The following PRSS36 variants were observed in gnomAD, a reference collection of about 807,000 sequenced individuals.
The protein encoded by PRSS36 is serine protease 36.
PRSS36 carries 90 observed loss-of-function variants against 94.3 expected under a neutral mutation model. The ratio of observed to expected loss-of-function variants is 0.95; its 90% CI spans 0.80 to 1.14. PRSS36 has a LOEUF of 1.14. Among genes scored for constraint, PRSS36 ranks in the 50% most tolerant of loss-of-function variants. PRSS36 has a pLI of 0.00. For synonymous variants in PRSS36, 500 were observed against 489.6 expected (o/e 1.02, Z -0.28); for missense variants, 1,158 against 1,135.0 (o/e 1.02, Z -0.29).
At chr16:31,140,450 G>A in intron 13 of PRSS36, 35 bp from the exon 14 acceptor site, 2 of 1,606,914 alleles carry the variant, frequency 1.2e-6, no homozygotes, top group African/African-American at 1.3e-5. Flanking sequence ...CCAGGGCTCT[G>A]GCCTCCAGCT....
intron 5 of PRSS36, among the ~76,000 whole-genome samples, chr16:31,147,227 A>T (rs977189777): frequency 1.3e-5 from 2 of 151,790 alleles, no homozygotes; most frequent in African/African-American, 4.8e-5. Context: ...ATCTAACATG[A>T]CTTATCTGGG....
chr16:31,141,347 C>T, intron 12 of PRSS36, 122 bp downstream of exon 12: 2 of 1,323,178 alleles, frequency 1.5e-6, no homozygotes, highest in Non-Finnish European at 2.1e-6. Flanking sequence ...GCCTGGGCAA[C>T]ACAGCAAGAT....
Position 31,143,624 on chromosome 16 carries a change from C to G in PRSS36, c.934G>C (p.Glu312Gln). 3.7e-6 allele frequency: 6 copies of G among 1,614,212 alleles called. No homozygotes were observed. ...ATGGTGCAGTTCTCCTCCCTGGGCT[C>G]CTGGGGATCTGACTGGGTCTTCTGG... Reference protein sequence around the residue: ...QPQKTQSDPQEPREENCTIAL... With the variant: ...QPQKTQSDPQQPREENCTIAL... The change falls in exon 7 of 15, where the codon GAG becomes CAG. Residue 312 changes from glutamate (E) to glutamine (Q), a missense_variant. By Grantham distance (29) the Glu-to-Gln change is conservative. Coordinates refer to ENST00000268281, the MANE Select transcript of PRSS36 (RefSeq NM_173502.5).
intron 5 of PRSS36, among the ~76,000 whole-genome samples, chr16:31,146,297 C>T (rs948190937): frequency 4.6e-5 from 7 of 152,314 alleles, no homozygotes; most frequent in East Asian, 1.9e-4. Flanking sequence ...AGATGCCATA[C>T]GGACTTGACA....
rs1251571254 is a variant in PRSS36, at chr16:31,150,055, G to A, written c.-20C>T. 2 of 1,612,952 alleles carry A rather than the reference G, an allele frequency of 1.2e-6. No individual in the cohort carries two copies. The highest frequency in any genetic ancestry group is 1.7e-6 in the Non-Finnish European group (2 of 1,179,682). On this transcript the variant is annotated 5_prime_UTR_variant, in exon 1 of 15. Transcript: ENST00000268281. ...GGCCATGGCGCTAGAGTCAGCGGAG[G>A]CAGAGCCAAGTGAAGGTCTGCTCCC...
chr16:31,149,559 C>T, intron 2 of PRSS36, 61 bp from the exon 3 acceptor site: 2 of 1,608,818 alleles, frequency 1.2e-6, no homozygotes, highest in South Asian at 1.1e-5. Flanking sequence ...CACCGCCCAG[C>T]CCCACTTCCT....
At position 31,140,620 on chromosome 16, in the gene PRSS36, AG is replaced by A. The variant is rs771809480; in HGVS notation, c.2038del (p.Leu680TrpfsTer6). 6 of 1,611,516 alleles carry A rather than the reference AG, an allele frequency of 3.7e-6. No individual in the cohort carries two copies. Among genetic ancestry groups the A allele is most frequent in the African/African-American group, 1.3e-5 (1 of 74,860 alleles). ...LPQHLGLRPP[L>X]ALLELSSRVE... ...CCGGGAGCTCAGCTCCAGGAGGGCC[AG>A]GGGGGGCCTGAGTCCCAGGTGCTGG... On this transcript the variant is annotated frameshift_variant, in exon 13 of 15. Transcript: ENST00000268281. LOFTEE classifies it high-confidence loss of function.
chr16:31,139,397 A>T lies in PRSS36; in HGVS notation c.2309T>A (p.Leu770His). 1.2e-6 allele frequency: 2 copies of T among 1,613,856 alleles called. No individual in the cohort carries two copies. Residue 770 changes from leucine to histidine, a missense_variant, in exon 15 of 15, where the codon CTC becomes CAC. Transcript: ENST00000268281. ...NRCEMTSAPP[L>H]LCQMTEGSWI... The stretch of plus-strand genomic sequence containing the variant: ...GGACCCTTCCGTCATCTGGCACAGG[A>T]GGGGCGGTGCTGAGGTCATCTGCAG...
chr16:31,140,756 G>T lies in PRSS36; in HGVS notation c.1903C>A (p.Pro635Thr), dbSNP rs1368483158. The change falls in exon 13 of 15, where the codon CCA (proline) becomes ACA (threonine). Residue 635 changes from proline (P) to threonine (T), a missense_variant and splice_region_variant. Pro to Thr is a conservative substitution (Grantham distance 38). Transcript: ENST00000268281. The part of the protein sequence containing the change: ...VLAATHCVLR[P>T]GSTTVPYIEV... ...ATGTAAGGCACTGTTGTAGAGCCTG[G>T]CCTGTTGGAACAAGGTCCAATGTCA... 1 of 1,613,748 alleles carries T rather than the reference G, an allele frequency of 6.2e-7. No homozygotes were observed. Among genetic ancestry groups the T allele is most frequent in the South Asian group, 1.1e-5 (1 of 91,064 alleles).
In PRSS36 at chr16:31,149,057, C is replaced by A; in HGVS notation, c.272+16G>T. The A allele has an allele frequency of 6.3e-7, 1 of 1,576,242 alleles. No homozygotes were observed. The highest frequency in any genetic ancestry group is 2.3e-5 in the East Asian group (1 of 43,884). The stretch of plus-strand genomic sequence containing the variant: ...GCTTTTGGCGGAGAGGGGCCAGGAC[C>A]AGGGCGAATACTCACGTCATGAAAC... On this transcript the variant is annotated intron_variant, in intron 4 of 14. Coordinates refer to ENST00000268281, the MANE Select transcript of PRSS36 (RefSeq NM_173502.5).
chr16:31,142,761 G>A lies in PRSS36; in HGVS notation c.1333C>T (p.Arg445Cys), dbSNP rs774055103. 2.4e-5 allele frequency: 34 copies of A among 1,406,088 alleles called. No individual in the cohort carries two copies. The South Asian group carries it at 4.9e-4, about 20-fold the overall frequency. The allele number at this position is 1,406,088 out of a possible 1,614,324, so 87.1% of individuals were successfully genotyped here. A position where few individuals can be genotyped will look rare whatever the true frequency, so the allele number is the denominator to read the frequency against. Residue 445 changes from arginine to cysteine, a missense_variant, in exon 9 of 15, where the codon CGC becomes TGC. Arg to Cys is a radical substitution (Grantham distance 180). Transcript: ENST00000268281. ...CCCCCGCGGCCCCAGCGGGCCAGGC[G>A]GCAGCGGCTCCCGGGCAGGAAGTAG... ...EHYFLPGSRC[R>C]LARWGRGEPA...
Position 31,140,679 on chromosome 16 carries a change from C to G in PRSS36, c.1980G>C (p.Gln660His), listed in dbSNP as rs1435133681. ...GGATGCTGATGACCAAGCGGGATAC[C>G]TGGTGGCCCTGTGGGAGGGAGCTGG... is the stretch of plus-strand genomic sequence containing the variant. ...AGASSLPQGH[Q>H]VSRLVISIRL... Residue 660 changes from glutamine to histidine, a missense_variant, in exon 13 of 15, where the codon CAG becomes CAC. Transcript: ENST00000268281. The G allele has an allele frequency of 1.2e-6, 2 of 1,613,964 alleles. No individual in the cohort carries two copies. Among genetic ancestry groups the G allele is most frequent in the African/African-American group, 1.3e-5 (1 of 74,920 alleles).
chr16:31,149,825 C>T (rs2057871023), intron 1 of PRSS36, 94 bp from the exon 2 acceptor site: 2 of 1,579,508 alleles, frequency 1.3e-6, no homozygotes, highest in African/African-American at 1.3e-5. Context: ...GCCTCCGTCT[C>T]CCCAGGGCAC....
chr16:31,148,643 G>T lies in PRSS36; in HGVS notation c.305C>A (p.Ser102Ter), dbSNP rs776490689. The T allele has an allele frequency of 1.2e-6, 2 of 1,612,508 alleles. No homozygotes were observed. The highest frequency in any genetic ancestry group is 1.7e-6 in the Non-Finnish European group (2 of 1,179,722). The change falls in exon 5 of 15, where the codon TCG (serine) becomes TAG (stop). Residue 102 changes from serine to a stop codon, truncating the protein, a stop_gained. Transcript: ENST00000268281. LOFTEE classifies it high-confidence loss of function. ...NGTLEPAAEW[S>*]VLLGVHSQDG... ...CTGGGAGTGCACGCCCAGCAGTACC[G>T]ACCACTCGGCCGCGGGCTCCAGCGT...
At position 31,140,599 on chromosome 16, in the gene PRSS36, G is replaced by A. The variant is rs766829764; in HGVS notation, c.2060C>T (p.Ser687Phe). 3.7e-6 allele frequency: 6 copies of A among 1,609,258 alleles called. No homozygotes were observed. Among genetic ancestry groups the A allele is most frequent in the Non-Finnish European group, 5.1e-6 (6 of 1,177,556 alleles). The change falls in exon 13 of 15, where the codon TCC becomes TTC. Residue 687 changes from serine (S) to phenylalanine (F), a missense_variant. Coordinates refer to ENST00000268281, the MANE Select transcript of PRSS36 (RefSeq NM_173502.5). ...RPPLALLELS[S>F]RVEPSPSALP... Reference sequence around the variant, plus strand: ...GGCTGATGGGGAGGGCTCCACCCGGGAGCTCAGCTCCAGGAGGGCCAGGGG... The same window carrying A: ...GGCTGATGGGGAGGGCTCCACCCGGAAGCTCAGCTCCAGGAGGGCCAGGGG...
chr16:31,141,801 C>T lies in PRSS36; in HGVS notation c.1681G>A (p.Asp561Asn). The T allele has an allele frequency of 6.2e-7, 1 of 1,614,182 alleles. No homozygotes were observed. Among genetic ancestry groups the T allele is most frequent in the Non-Finnish European group, 8.5e-7 (1 of 1,180,028 alleles). ...GGGCCCCAATCCCAGGCTAGCTGGT[C>T]CTCCAGGTAGGCTCCCCGAGTCACA... ...SHVTRGAYLE[D>N]QLAWDWGPDG... The change falls in exon 11 of 15, where the codon GAC becomes AAC. Residue 561 changes from aspartate to asparagine, a missense_variant. Transcript: ENST00000268281.
chr16:31,141,405 C>CAA (rs2057686100), intron 12 of PRSS36, 64 bp downstream of exon 12: 1 of 1,132,962 alleles, frequency 8.8e-7, no homozygotes, highest in Non-Finnish European at 1.2e-6. Flanking sequence ...ATAACAAAAA[C>CAA]AAGTCTTTGG....
rs752458485 is a variant in PRSS36, at chr16:31,143,568, C to T, written c.970+20G>A. 27 of 1,613,544 alleles carry T rather than the reference C, an allele frequency of 1.7e-5. No homozygotes were observed. Among genetic ancestry groups the T allele is most frequent in the Non-Finnish European group, 2.3e-5 (27 of 1,179,672 alleles). Reference sequence around the variant, plus strand: ...CACTCTCCCATGTCCCGCTTACATCCAGGGGTGCCGCCCACTCACCAGGCA... The same window carrying T: ...CACTCTCCCATGTCCCGCTTACATCTAGGGGTGCCGCCCACTCACCAGGCA... On this transcript the variant is annotated intron_variant, in intron 7 of 14. Coordinates refer to ENST00000268281, the MANE Select transcript of PRSS36 (RefSeq NM_173502.5).
At position 31,142,529 on chromosome 16, in the gene PRSS36, G is replaced by A. The variant is rs2057718886; in HGVS notation, c.1473C>T (p.His491=). Reference sequence around the variant, plus strand: ...TTTCCTGGTAGGCAGGGCAGAGCGCGTGCGGCGGGTCTCCGGGCAGCGGTA... The same window carrying A: ...TTTCCTGGTAGGCAGGGCAGAGCGCATGCGGCGGGTCTCCGGGCAGCGGTA... ...AAVPLPGDPP[H]ALCPAYQEKE... The change falls in exon 10 of 15, where the codon CAC becomes CAT. Residue 491 remains histidine (H), a synonymous_variant. Transcript: ENST00000268281. 3 of 1,515,898 alleles carry A rather than the reference G, an allele frequency of 2.0e-6. No homozygotes were observed. The highest frequency in any genetic ancestry group is 4.1e-4 in the Middle Eastern group (2 of 4,892). 93.9% of individuals were successfully genotyped at this position (1,515,898 alleles called of 1,614,324 possible).
Sources: allele counts gnomAD v4.1 joint callset (sites outside exome capture counted in the v4.1 genomes callset), GRCh38; gene constraint gnomAD v4.1.1; transcripts MANE v1.5; gene names NCBI Gene and HGNC (gene_info 2026-07-23, HGNC 2026-07-21).